The following CAST variants were observed in gnomAD, a reference collection of about 807,000 sequenced individuals.
CAST encodes MIR583 host.
Under a neutral mutation model 119.6 loss-of-function variants are expected in CAST, and 76 were observed. That is an observed-to-expected ratio of 0.64 (90% CI 0.53 to 0.77). The LOEUF (loss-of-function observed/expected upper bound fraction) is 0.77, where lower values mean the gene tolerates loss of function less well. Among genes scored for constraint, CAST ranks in the 30% least tolerant of loss-of-function variants. CAST has a pLI of 0.00. For synonymous variants in CAST, 319 were observed against 331.6 expected, an observed-to-expected ratio of 0.96 and a Z score of 0.41; for missense variants, 953 against 946.5, an observed-to-expected ratio of 1.01 and a Z score of -0.09.
the CAST span, among the ~76,000 whole-genome samples, chr5:96,051,845 A>G: frequency 6.6e-6 from 1 of 152,240 alleles, no homozygotes. Flanking sequence ...TCTGTCATGA[A>G]CAAGGAAGTA....
intron 9 of CAST, 59 bp downstream of exon 9, chr5:96,730,919 G>A: frequency 1.6e-6 from 2 of 1,266,132 alleles, no homozygotes; most frequent in Non-Finnish European, 2.3e-6. Flanking sequence ...TTTCTTTTAT[G>A]AGAAACGTAT....
chr5:96,560,082 C>A (rs1746324406), intron 1 of CAST, among the ~76,000 whole-genome samples: 1 of 151,964 alleles, frequency 6.6e-6, no homozygotes, highest in Non-Finnish European at 1.5e-5. Flanking sequence ...CTTTGACAAA[C>A]CTGACAAAAA....
the CAST span, among the ~76,000 whole-genome samples, chr5:96,409,575 T>C: frequency 6.6e-6 from 1 of 152,238 alleles, no homozygotes; most frequent in African/African-American, 2.4e-5. Flanking sequence ...TTCTTCTGCT[T>C]CAGTGCAGGT....
the CAST span, among the ~76,000 whole-genome samples, chr5:95,980,126 C>A: frequency 6.6e-6 from 1 of 150,674 alleles, no homozygotes; most frequent in Non-Finnish European, 1.5e-5. Flanking sequence ...TCAAAACAAA[C>A]AAACAAACAA....
the CAST span, among the ~76,000 whole-genome samples, chr5:96,424,669 A>T: frequency 6.6e-6 from 1 of 152,186 alleles, no homozygotes; most frequent in Non-Finnish European, 1.5e-5. Context: ...AATACTTAAG[A>T]TAGTGGCAAG....
upstream of CAST, among the ~76,000 whole-genome samples, chr5:96,527,056 T>G (rs1745607485): frequency 6.6e-6 from 1 of 152,180 alleles, no homozygotes; most frequent in Admixed American, 6.5e-5. Context: ...CAGTCAATTA[T>G]ACATTCATCT....
chr5:96,572,125 A>G (rs1746580036), intron 1 of CAST, among the ~76,000 whole-genome samples: 1 of 152,186 alleles, frequency 6.6e-6, no homozygotes, highest in South Asian at 2.1e-4. Context: ...AGGTAAAATA[A>G]TTTGCCCAAA....
At chr5:96,426,669 G>C in the CAST span, among the ~76,000 whole-genome samples, 1 of 152,154 alleles carries the variant, frequency 6.6e-6, no homozygotes, top group Non-Finnish European at 1.5e-5. Context: ...TATTCATTAT[G>C]AGATAATTCT....
the CAST span, among the ~76,000 whole-genome samples, chr5:96,052,307 A>G: frequency 1.3e-5 from 2 of 152,154 alleles, no homozygotes. Context: ...GACTCTTCCT[A>G]CAGGGTTTCT....
the CAST span, among the ~76,000 whole-genome samples, chr5:95,963,072 A>G: frequency 6.6e-6 from 1 of 152,212 alleles, no homozygotes; most frequent in Non-Finnish European, 1.5e-5. Flanking sequence ...GTTGATCAGA[A>G]ACACCAGATA....
the CAST span, among the ~76,000 whole-genome samples, chr5:95,984,855 G>A: frequency 2.2e-4 from 33 of 151,908 alleles, 1 homozygote. Flanking sequence ...AAAAGAGATA[G>A]TATCAAAATA....
chr5:96,720,655 C>G (rs10515243), intron 3 of CAST, among the ~76,000 whole-genome samples: 36,176 of 152,206 alleles, frequency 0.24, 5,036 homozygotes, highest in Non-Finnish European at 0.33. Context: ...TGATTTTCAG[C>G]TGTTCTGTAT....
intron 1 of CAST, among the ~76,000 whole-genome samples, chr5:96,567,370 T>C (rs1561418860): frequency 6.6e-6 from 1 of 152,172 alleles, no homozygotes; most frequent in African/African-American, 2.4e-5. Context: ...ATATTTCCTA[T>C]GCCTCCCCAG....
At chr5:96,425,677 C>A in the CAST span, 1 of 657,318 alleles carries the variant, frequency 1.5e-6, no homozygotes, top group Non-Finnish European at 2.7e-6. Flanking sequence ...CAAGAAGATC[C>A]CATCAGCCCT....
At chr5:96,639,940 C>T (rs1747930767) in intron 1 of CAST, among the ~76,000 whole-genome samples, 1 of 152,186 alleles carries the variant, frequency 6.6e-6, no homozygotes. Flanking sequence ...CCCACTCAAT[C>T]TTACCTGTAC....
At chr5:96,425,946 T>C in the CAST span, 8 of 1,501,880 alleles carry the variant, frequency 5.3e-6, no homozygotes, top group Non-Finnish European at 7.4e-6. Context: ...AGGATTTTTA[T>C]AGCAAGAAAA....
chr5:96,295,048 G>A, the CAST span, among the ~76,000 whole-genome samples: 1 of 152,146 alleles, frequency 6.6e-6, no homozygotes, highest in Non-Finnish European at 1.5e-5. Flanking sequence ...TCACTACAAA[G>A]GGAAAAGCTG....
At chr5:96,566,491 G>A (rs571242005) in intron 1 of CAST, among the ~76,000 whole-genome samples, 5 of 152,280 alleles carry the variant, frequency 3.3e-5, no homozygotes, top group African/African-American at 1.2e-4. Context: ...TCAAACAGGA[G>A]GAACCACAGG....
the CAST span, among the ~76,000 whole-genome samples, chr5:96,376,471 C>T: frequency 4.0e-5 from 6 of 150,982 alleles, no homozygotes; most frequent in African/African-American, 7.3e-5. Flanking sequence ...GACAGAGTCT[C>T]GCTCTGTCGC....
Sources: allele counts gnomAD v4.1 joint callset (sites outside exome capture counted in the v4.1 genomes callset), GRCh38; gene constraint gnomAD v4.1.1; transcripts MANE v1.5; gene names NCBI Gene and HGNC (gene_info 2026-07-23, HGNC 2026-07-21).